Variants in XRCC5 observed in about 807,000 individuals in gnomAD.
XRCC5 encodes the protein DNA repair protein Ku80.
Under a neutral mutation model 95.7 loss-of-function variants are expected in XRCC5, and 12 were observed. The observed-to-expected ratio is 0.13, with a 90% CI of 0.08 to 0.20. XRCC5 has a LOEUF of 0.20. Among genes scored for constraint, XRCC5 ranks in the 10% least tolerant of loss-of-function variants. The pLI is 1.00. For missense variants in XRCC5, 595 were observed against 873.9 expected (o/e 0.68, Z 4.02); for synonymous variants, 281 against 290.3 (o/e 0.97, Z 0.33).
chr2:216,170,318 T>C (rs1387584041), intron 16 of XRCC5, among the ~76,000 whole-genome samples: 1 of 152,160 alleles, frequency 6.6e-6, no homozygotes, highest in Non-Finnish European at 1.5e-5. Context: ...TTCCCTTAAA[T>C]GTGCTGAGTA....
intron 14 of XRCC5, chr2:216,156,559 G>T (rs1008575211): frequency 6.5e-5 from 39 of 596,276 alleles, no homozygotes; most frequent in Non-Finnish European, 1.2e-4. Context: ...ACTTGGTGAG[G>T]TTAGCTTTCC....
At chr2:216,136,804 G>A (rs921965659) in intron 10 of XRCC5, among the ~76,000 whole-genome samples, 1 of 152,196 alleles carries the variant, frequency 6.6e-6, no homozygotes, top group African/African-American at 2.4e-5. Flanking sequence ...ACAAACAAAA[G>A]ATTTGTTTAG....
intron 18 of XRCC5, among the ~76,000 whole-genome samples, chr2:216,193,072 A>C (rs971670578): frequency 2.0e-5 from 3 of 152,174 alleles, no homozygotes; most frequent in African/African-American, 7.2e-5. Flanking sequence ...TCAGATCCTT[A>C]GGCCATTTCA....
chr2:216,193,551 A>C (rs1689658830), intron 18 of XRCC5, among the ~76,000 whole-genome samples: 1 of 152,200 alleles, frequency 6.6e-6, no homozygotes. Context: ...TGTTTTCCTG[A>C]CAGTTAATTT....
rs180686069 is a variant in XRCC5 at position 216,160,678 on chromosome 2, A to T, written c.1764+517A>T. ...AAAATACTACCTTAATTAATTAATT[A>T]ATTAATTAATTAATTTTTATATCTT... On this transcript the variant is annotated intron_variant, in intron 15 of 20. Coordinates refer to ENST00000392132, the MANE Select transcript of XRCC5 (RefSeq NM_021141.4). Among the ~76,000 whole-genome samples, 635 of 151,796 alleles carry T rather than the reference A, an allele frequency of 4.2e-3. 1 individual carries two copies. Among genetic ancestry groups the T allele is most frequent in the South Asian group, 0.012 (60 of 4,804 alleles).
At chr2:216,159,625 G>A (rs142968464) in intron 14 of XRCC5, among the ~76,000 whole-genome samples, 3 of 152,296 alleles carry the variant, frequency 2.0e-5, no homozygotes, top group African/African-American at 7.2e-5. Flanking sequence ...TAGAGAAAAC[G>A]GGTTGTTAGA....
At position 216,205,451 on chromosome 2, in the gene XRCC5, T is replaced by C. The variant is rs1269409252; in HGVS notation, c.*249T>C. Reference sequence around the variant, plus strand: ...TTTCTGGTTGGTGTATTATTTTTTCTGTGGTCTTACTGATCTTTGTATATT... The same window carrying C: ...TTTCTGGTTGGTGTATTATTTTTTCCGTGGTCTTACTGATCTTTGTATATT... On this transcript the variant is annotated 3_prime_UTR_variant, in exon 21 of 21. Coordinates refer to ENST00000392132, the MANE Select transcript of XRCC5 (RefSeq NM_021141.4). 10 of 533,996 alleles carry C rather than the reference T, an allele frequency of 1.9e-5. No homozygotes were observed. Among genetic ancestry groups the C allele is most frequent in the Non-Finnish European group, 3.0e-5 (9 of 299,414 alleles). 33.1% of individuals were successfully genotyped at this position (533,996 alleles called of 1,614,324 possible).
chr2:216,147,934 G>A (rs1688670616), intron 13 of XRCC5, 149 bp from the exon 14 acceptor site: 1 of 821,734 alleles, frequency 1.2e-6, no homozygotes, highest in Non-Finnish European at 1.9e-6. Context: ...AACAAAGGTG[G>A]TTCTAGGTGA....
intron 9 of XRCC5, 67 bp from the exon 10 acceptor site, chr2:216,132,258 C>A: frequency 6.9e-7 from 1 of 1,449,868 alleles, no homozygotes; most frequent in Non-Finnish European, 9.6e-7. Context: ...AATTTCTTGG[C>A]AATGTGTGTC....
Position 216,113,081 on chromosome 2 carries a change from C to G in XRCC5, c.87C>G (p.Ser29=). The G allele has an allele frequency of 6.2e-7, 1 of 1,613,990 alleles. No individual in the cohort carries two copies. Among genetic ancestry groups the G allele is most frequent in the Non-Finnish European group, 8.5e-7 (1 of 1,179,962 alleles). The change falls in exon 2 of 21, where the codon TCC becomes TCG. Residue 29 remains serine (S), a synonymous_variant. Transcript: ENST00000392132. ...GTAACTCCATTCCTGGTATAGAATCCCCATTTGAACAAGCAAAGAAGGTGA... is the reference window on the plus strand; with the variant it reads ...GTAACTCCATTCCTGGTATAGAATCGCCATTTGAACAAGCAAAGAAGGTGA... The part of the protein sequence containing the change: ...TMSNSIPGIE[S]PFEQAKKVIT...
Position 216,205,371 on chromosome 2 carries a change from T to G in XRCC5, c.*169T>G. 1 of 724,284 alleles carries G rather than the reference T, an allele frequency of 1.4e-6. No individual in the cohort carries two copies. The highest frequency in any genetic ancestry group is 1.7e-5 in the South Asian group (1 of 59,682). 44.9% of individuals were successfully genotyped at this position (724,284 alleles called of 1,614,324 possible). ...TCTCTGTGGAATGAATACACACATA[T>G]ATATTACAAGGGATAATTTAGACCC... On this transcript the variant is annotated 3_prime_UTR_variant, in exon 21 of 21. Coordinates refer to ENST00000392132, the MANE Select transcript of XRCC5 (RefSeq NM_021141.4).
At chr2:216,110,808 T>C (rs905843200) in intron 1 of XRCC5, among the ~76,000 whole-genome samples, 1 of 152,210 alleles carries the variant, frequency 6.6e-6, no homozygotes, top group African/African-American at 2.4e-5. Flanking sequence ...CTCTTAAGTT[T>C]TTTTAGGTTA....
intron 18 of XRCC5, among the ~76,000 whole-genome samples, chr2:216,194,149 A>G (rs1295303538): frequency 1.3e-5 from 2 of 152,230 alleles, no homozygotes; most frequent in African/African-American, 4.8e-5. Context: ...GCTATGTTCT[A>G]CAGTAAGTCC....
intron 1 of XRCC5, among the ~76,000 whole-genome samples, chr2:216,109,793 C>T (rs1400185945): frequency 6.6e-6 from 1 of 151,942 alleles, no homozygotes; most frequent in Non-Finnish European, 1.5e-5. Flanking sequence ...CTCCCTAGCC[C>T]CACTTCCTCT....
At chr2:216,158,962 A>C (rs185027548) in intron 14 of XRCC5, among the ~76,000 whole-genome samples, 355 of 152,328 alleles carry the variant, frequency 2.3e-3, no homozygotes, top group Admixed American at 3.7e-3. Context: ...GAGCAAAAAA[A>C]CAACACATTT....
chr2:216,143,849 G>A (rs189983111), intron 13 of XRCC5, among the ~76,000 whole-genome samples: 2 of 151,338 alleles, frequency 1.3e-5, no homozygotes, highest in Non-Finnish European at 1.5e-5. Context: ...TGGGACTACA[G>A]ATGCCCGCCA....
intron 10 of XRCC5, among the ~76,000 whole-genome samples, chr2:216,132,689 TGTC>T (rs1327238234): frequency 1.3e-5 from 2 of 152,196 alleles, no homozygotes; most frequent in Non-Finnish European, 2.9e-5. Flanking sequence ...CATTTTGTGT[TGTC>T]ATAAGCATCC....
intron 1 of XRCC5, chr2:216,111,319 T>C (rs546274976): frequency 2.9e-5 from 12 of 412,008 alleles, no homozygotes; most frequent in African/African-American, 2.3e-4. Context: ...CCAAGGAGTT[T>C]GAGACCAGCC....
chr2:216,197,738 T>C (rs1440483740), intron 19 of XRCC5, among the ~76,000 whole-genome samples: 1 of 152,174 alleles, frequency 6.6e-6, no homozygotes, highest in Non-Finnish European at 1.5e-5. Context: ...CACTTTGATA[T>C]ATATTATCTC....
Sources: gnomAD v4.1 joint callset for allele counts (sites outside exome capture counted in the v4.1 genomes callset) on GRCh38, gnomAD v4.1.1 for gene constraint, MANE v1.5 for transcripts, NCBI Gene and HGNC (gene_info 2026-07-23, HGNC 2026-07-21) for gene names.